Variants in PRCP observed in about 807,000 individuals in gnomAD.
The protein encoded by PRCP is prolylcarboxypeptidase.
A neutral mutation model predicts 54.2 loss-of-function variants in PRCP; 46 were observed. The observed-to-expected ratio is 0.85, with a 90% confidence interval of 0.67 to 1.09. The LOEUF (loss-of-function observed/expected upper bound fraction) is 1.09. Among genes scored for constraint, PRCP ranks in the 50% least tolerant of loss-of-function variants. PRCP has a pLI of 0.00. For missense variants in PRCP, 613 were observed against 596.8 expected, an observed-to-expected ratio of 1.03 and a Z score of -0.28; for synonymous variants, 240 against 212.2, an observed-to-expected ratio of 1.13 and a Z score of -1.14.
At chr11:82,848,789 T>C (rs1858872415) in intron 6 of PRCP, among the ~76,000 whole-genome samples, 1 of 152,200 alleles carries the variant, frequency 6.6e-6, no homozygotes, top group Admixed American at 6.5e-5. Context: ...ACTTTAGGTA[T>C]TATTTCTAAT....
At chr11:82,900,109 C>T in intron 1 of PRCP, 126 bp downstream of exon 1, 1 of 1,280,660 alleles carries the variant, frequency 7.8e-7, no homozygotes, top group Non-Finnish European at 1.1e-6. Flanking sequence ...AGATGTTAGC[C>T]AAAAACCGAA....
At chr11:82,856,373 T>C (rs563020511) in intron 2 of PRCP, among the ~76,000 whole-genome samples, 3 of 152,308 alleles carry the variant, frequency 2.0e-5, no homozygotes, top group East Asian at 3.9e-4. Context: ...TGCAGTAACA[T>C]GGATGTAGCT....
At position 82,849,947 on chromosome 11, in the gene PRCP, AC is replaced by A; in HGVS notation, c.717del (p.Arg239SerfsTer29). 1 of 1,528,248 alleles carries A rather than the reference AC, an allele frequency of 6.5e-7. No homozygotes were observed. Among genetic ancestry groups the A allele is most frequent in the Non-Finnish European group, 8.8e-7 (1 of 1,136,650 alleles). The allele number at this position is 1,528,248 out of a possible 1,614,324, so 94.7% of individuals were successfully genotyped here. A position where few individuals can be genotyped will look rare whatever the true frequency, so the allele number is the denominator to read the frequency against. On this transcript the variant is annotated frameshift_variant, in exon 5 of 9. Transcript: ENST00000313010. LOFTEE classifies it high-confidence loss of function. ...GAGAGTCGATTAATGGCATCCCAGG[AC>A]CTGTGGATGCTCTCTGAACAATGTG... is the stretch of plus-strand genomic sequence containing the variant. The part of the protein sequence containing the change: ...SGPHCSESIH[R>X]SWDAINRLSN...
chr11:82,875,596 G>A (rs3793979), intron 1 of PRCP, among the ~76,000 whole-genome samples: 37,632 of 151,976 alleles, frequency 0.25, 5,019 homozygotes, highest in Non-Finnish European at 0.3. Context: ...CTTACTCTGT[G>A]TGCCGGGCTA....
chr11:82,884,829 A>T, intron 1 of PRCP: 1 of 1,613,184 alleles, frequency 6.2e-7, no homozygotes, highest in Non-Finnish European at 8.5e-7. Flanking sequence ...CTACCAGAGG[A>T]GTCTTGTAAT....
At chr11:82,834,304 T>C (rs1030169944) in intron 8 of PRCP, among the ~76,000 whole-genome samples, 1 of 152,230 alleles carries the variant, frequency 6.6e-6, no homozygotes, top group African/African-American at 2.4e-5. Flanking sequence ...TATTTAGGTC[T>C]TTTTCAACCC....
intron 6 of PRCP, among the ~76,000 whole-genome samples, chr11:82,843,515 C>T (rs753332677): frequency 5.3e-5 from 8 of 152,056 alleles, no homozygotes; most frequent in Non-Finnish European, 1.0e-4. Flanking sequence ...ATATTACTGA[C>T]GTGACAAAAG....
At chr11:82,876,557 A>G (rs1258175891) in intron 1 of PRCP, among the ~76,000 whole-genome samples, 2 of 152,170 alleles carry the variant, frequency 1.3e-5, no homozygotes, top group Non-Finnish European at 2.9e-5. Context: ...TTACTGAATC[A>G]TGGGGGCCAG....
chr11:82,885,007 A>T, intron 1 of PRCP: 1 of 1,395,328 alleles, frequency 7.2e-7, no homozygotes, highest in South Asian at 1.5e-5. Flanking sequence ...AAGAAAAAAT[A>T]TGATATAAAA....
At chr11:82,892,772 G>A (rs1860033345) in intron 1 of PRCP, among the ~76,000 whole-genome samples, 1 of 152,232 alleles carries the variant, frequency 6.6e-6, no homozygotes, top group African/African-American at 2.4e-5. Context: ...AGCAATCTGT[G>A]TGTTGGAGTC....
At chr11:82,837,006 A>C (rs1858545380) in intron 8 of PRCP, 1 of 222,994 alleles carries the variant, frequency 4.5e-6, no homozygotes, top group Admixed American at 5.8e-5. Context: ...CCTTATGAAC[A>C]GAGTAGTGCC....
At chr11:82,876,185 A>C (rs1296450454) in intron 1 of PRCP, among the ~76,000 whole-genome samples, 2 of 152,200 alleles carry the variant, frequency 1.3e-5, no homozygotes, top group African/African-American at 4.8e-5. Flanking sequence ...AAAAGAGCCC[A>C]GCTCTGTAGC....
intron 1 of PRCP, among the ~76,000 whole-genome samples, chr11:82,894,691 G>A (rs1055301976): frequency 3.3e-5 from 5 of 152,132 alleles, no homozygotes; most frequent in African/African-American, 9.7e-5. Flanking sequence ...TGCTGACAGA[G>A]GAATATAAAC....
intron 1 of PRCP, among the ~76,000 whole-genome samples, chr11:82,864,649 A>G (rs982849800): frequency 2.0e-5 from 3 of 152,220 alleles, no homozygotes; most frequent in Admixed American, 1.3e-4. Flanking sequence ...ACACCGTATG[A>G]CCTTGGAAAG....
chr11:82,835,981 A>T (rs1395790781), intron 8 of PRCP: 1 of 280,882 alleles, frequency 3.6e-6, no homozygotes, highest in Non-Finnish European at 7.0e-6. Context: ...TCACAAGGTC[A>T]GGAAATCAAG....
At chr11:82,859,673 G>GA (rs1356977672) in intron 2 of PRCP, among the ~76,000 whole-genome samples, 2 of 120,596 alleles carry the variant, frequency 1.7e-5, no homozygotes, top group Non-Finnish European at 3.2e-5. Context: ...GGCAGTCCAT[G>GA]AAAAATACAA....
intron 1 of PRCP, among the ~76,000 whole-genome samples, chr11:82,860,355 GA>G (rs11339705): frequency 0.12 from 17,632 of 151,604 alleles, 1,965 homozygotes; most frequent in African/African-American, 0.29. Context: ...CAATGTAAAA[GA>G]AAAAATACAA....
At chr11:82,863,469 G>A (rs572830730) in intron 1 of PRCP, among the ~76,000 whole-genome samples, 1 of 152,098 alleles carries the variant, frequency 6.6e-6, no homozygotes, top group African/African-American at 2.4e-5. Context: ...TGACTGTGTT[G>A]GACTTAAAGA....
chr11:82,850,586 C>T, intron 3 of PRCP, 81 bp from the exon 4 acceptor site: 1 of 1,121,360 alleles, frequency 8.9e-7, no homozygotes, highest in East Asian at 2.8e-5. Context: ...AGAAGAGAGC[C>T]AGTGTCAGAT....
Sources: gnomAD v4.1 joint callset for allele counts (sites outside exome capture counted in the v4.1 genomes callset) on GRCh38, gnomAD v4.1.1 for gene constraint, MANE v1.5 for transcripts, NCBI Gene and HGNC (gene_info 2026-07-23, HGNC 2026-07-21) for gene names.